The following SCN8A variants were observed in gnomAD, a reference collection of about 807,000 sequenced individuals.
SCN8A encodes the protein sodium channel protein type 8 subunit alpha.
SCN8A carries 30 observed loss-of-function variants against 184.1 expected under a neutral mutation model. That is an observed-to-expected ratio of 0.16 (90% CI 0.12 to 0.22). The LOEUF (loss-of-function observed/expected upper bound fraction) is 0.22. SCN8A is among the 10% of genes least tolerant of loss of function. The pLI is 1.00. For missense variants in SCN8A, 1,057 were observed against 2,498.9 expected (o/e 0.42, Z 12.30); for synonymous variants, 852 against 907.0 (o/e 0.94, Z 1.09).
chr12:51,652,019 A>T (rs1231536357), intron 1 of SCN8A, among the ~76,000 whole-genome samples: 1 of 152,236 alleles, frequency 6.6e-6, no homozygotes, highest in Admixed American at 6.5e-5. Flanking sequence ...ATAAATAGCA[A>T]GTATGGATGA....
At chr12:51,689,160 T>C in intron 6 of SCN8A, 64 bp downstream of exon 6, 2 of 1,204,280 alleles carry the variant, frequency 1.7e-6, no homozygotes, top group South Asian at 2.6e-5. Context: ...ATTCGTTTTG[T>C]CCACCATTCT....
Position 51,774,266 on chromosome 12 carries a change from T to C in SCN8A, c.3723T>C (p.Tyr1241=), listed in dbSNP as rs1156293715. 4 of 1,614,128 alleles carry C rather than the reference T, an allele frequency of 2.5e-6. No homozygotes were observed. The highest frequency in any genetic ancestry group is 3.4e-6 in the Non-Finnish European group (4 of 1,179,958). Residue 1241 remains tyrosine (Y), a synonymous_variant, in exon 20 of 27, where the codon TAT becomes TAC. Transcript: ENST00000627620. ...ILEYADKVFT[Y]IFILEMLLKW... The stretch of plus-strand genomic sequence containing the variant: ...AATATGCTGACAAAGTCTTCACCTA[T>C]ATCTTCATCCTGGAGATGTTGCTCA...
intron 3 of SCN8A, among the ~76,000 whole-genome samples, chr12:51,685,635 A>G (rs1289582390): frequency 6.6e-6 from 1 of 152,214 alleles, no homozygotes; most frequent in African/African-American, 2.4e-5. Context: ...GATGTCCTTG[A>G]AATCTTTACC....
intron 1 of SCN8A, among the ~76,000 whole-genome samples, chr12:51,620,020 T>C (rs971519494): frequency 2.1e-4 from 32 of 152,180 alleles, no homozygotes; most frequent in African/African-American, 7.5e-4. Flanking sequence ...TTTTTCCTGG[T>C]CCCTAGATCA....
chr12:51,624,298 G>A (rs1355661924), intron 1 of SCN8A, among the ~76,000 whole-genome samples: 2 of 152,066 alleles, frequency 1.3e-5, no homozygotes, highest in Admixed American at 6.6e-5. Flanking sequence ...TTTAATGATC[G>A]CCATTCTAAC....
intron 1 of SCN8A, among the ~76,000 whole-genome samples, chr12:51,618,902 G>A (rs1939902613): frequency 6.6e-6 from 1 of 152,116 alleles, no homozygotes; most frequent in Non-Finnish European, 1.5e-5. Flanking sequence ...TTAAATTTAA[G>A]TAAAATGTTT....
At chr12:51,614,570 G>T (rs1049947127) in intron 1 of SCN8A, among the ~76,000 whole-genome samples, 1 of 152,070 alleles carries the variant, frequency 6.6e-6, no homozygotes, top group Non-Finnish European at 1.5e-5. Flanking sequence ...TTATATAACA[G>T]TGATACATTT....
chr12:51,797,988 A>G (rs1467899226), intron 26 of SCN8A, among the ~76,000 whole-genome samples: 1 of 152,190 alleles, frequency 6.6e-6, no homozygotes, highest in Non-Finnish European at 1.5e-5. Context: ...GAGTGGTGCC[A>G]CTTCCATTTC....
chr12:51,708,965 A>G (rs150514126), intron 11 of SCN8A, among the ~76,000 whole-genome samples: 19 of 152,352 alleles, frequency 1.2e-4, no homozygotes, highest in Middle Eastern at 3.4e-3. Flanking sequence ...ACACTAAAAA[A>G]TTATGTAGTA....
At position 51,700,908 on chromosome 12, in the gene SCN8A, G is replaced by A. The variant is rs140566493; in HGVS notation, c.929-236G>A. 4.5e-3 allele frequency among the ~76,000 whole-genome samples: 682 copies of A among 152,224 alleles called. 6 individuals are homozygous for A. The highest frequency in any genetic ancestry group is 0.014 in the Middle Eastern group (4 of 294). ...AGATTTGAAGTATGAATGGAAGTTG[G>A]GTGTCTGTGAAAACTATATTGCATC... On this transcript the variant is annotated intron_variant, in intron 7 of 26. Transcript: ENST00000627620.
chr12:51,637,084 G>A (rs1202175863), intron 1 of SCN8A, among the ~76,000 whole-genome samples: 7 of 152,002 alleles, frequency 4.6e-5, no homozygotes, highest in African/African-American at 1.5e-4. Context: ...CTGTTATGGC[G>A]ATCAGTGATC....
At chr12:51,666,756 T>A (rs997237871) in intron 2 of SCN8A, among the ~76,000 whole-genome samples, 2 of 152,198 alleles carry the variant, frequency 1.3e-5, no homozygotes, top group Non-Finnish European at 2.9e-5. Flanking sequence ...AGTGAAGTTC[T>A]GGTTTTAGCT....
chr12:51,669,085 C>T (rs1941087207), intron 2 of SCN8A, among the ~76,000 whole-genome samples: 1 of 152,190 alleles, frequency 6.6e-6, no homozygotes, highest in Non-Finnish European at 1.5e-5. Flanking sequence ...TGTATCTAAA[C>T]ATAGCTAAAC....
chr12:51,603,194 C>T (rs1939506606), intron 1 of SCN8A, among the ~76,000 whole-genome samples: 1 of 152,176 alleles, frequency 6.6e-6, no homozygotes, highest in Non-Finnish European at 1.5e-5. Context: ...AATCCCCAGC[C>T]CCTGGAAACC....
chr12:51,608,540 G>A (rs962111176), intron 1 of SCN8A, among the ~76,000 whole-genome samples: 1 of 152,076 alleles, frequency 6.6e-6, no homozygotes, highest in Non-Finnish European at 1.5e-5. Flanking sequence ...AGTGTTCATA[G>A]TAGCCTTGAA....
intron 1 of SCN8A, among the ~76,000 whole-genome samples, chr12:51,610,397 C>T (rs866933799): frequency 2.6e-5 from 4 of 152,068 alleles, no homozygotes; most frequent in Middle Eastern, 3.4e-3. Context: ...TGTGAGGTAC[C>T]GTTGCATTCA....
intron 12 of SCN8A, among the ~76,000 whole-genome samples, chr12:51,733,592 T>A (rs1331020328): frequency 6.6e-6 from 1 of 152,218 alleles, no homozygotes; most frequent in African/African-American, 2.4e-5. Context: ...ATAGAATGAG[T>A]TTGGAAGTTT....
chr12:51,619,489 T>C (rs1939915868), intron 1 of SCN8A, among the ~76,000 whole-genome samples: 1 of 152,204 alleles, frequency 6.6e-6, no homozygotes, highest in Non-Finnish European at 1.5e-5. Context: ...TAGCATATTG[T>C]TAACTTATTT....
intron 2 of SCN8A, among the ~76,000 whole-genome samples, chr12:51,663,874 A>G (rs1261498577): frequency 3.7e-5 from 5 of 135,888 alleles, no homozygotes; most frequent in Non-Finnish European, 6.4e-5. Context: ...GGCATCAGAC[A>G]CCGTTTTAGG....
Sources: gnomAD v4.1 joint callset for allele counts (sites outside exome capture counted in the v4.1 genomes callset) on GRCh38, gnomAD v4.1.1 for gene constraint, MANE v1.5 for transcripts, NCBI Gene and HGNC (gene_info 2026-07-23, HGNC 2026-07-21) for gene names.